CACNA1B: variants seen among roughly 807,000 people sequenced by gnomAD.
CACNA1B encodes calcium voltage-gated channel subunit alpha1 B.
CACNA1B carries 70 observed loss-of-function variants against 247.2 expected under a neutral mutation model. The ratio of observed to expected loss-of-function variants is 0.28; its 90% CI spans 0.23 to 0.35. The LOEUF (loss-of-function observed/expected upper bound fraction) is 0.35. Ranked by LOEUF, CACNA1B falls within the 10% of genes least tolerant of loss-of-function variation. The pLI, the probability that CACNA1B is intolerant of heterozygous loss-of-function variation, is 1.00. For missense variants in CACNA1B, 2,367 were observed against 3,197.4 expected, an observed-to-expected ratio of 0.74 and a Z score of 6.26; for synonymous variants, 1,231 against 1,294.4, an observed-to-expected ratio of 0.95 and a Z score of 1.05.
rs147267698 is a variant in CACNA1B, at chr9:138,090,362, T to A, written c.5095-6122T>A. Among the ~76,000 whole-genome samples, 101 of 152,006 alleles carry A rather than the reference T, an allele frequency of 6.6e-4. 1 individual carries two copies. Among genetic ancestry groups the A allele is most frequent in the African/African-American group, 2.4e-3 (100 of 41,468 alleles). On this transcript the variant is annotated intron_variant, in intron 36 of 46. Coordinates refer to ENST00000371372, the MANE Select transcript of CACNA1B (RefSeq NM_000718.4). ...AACTAGATATCCACATGCAGAAAAA[T>A]GCAGCTCAACCCCTATCTCTCGCTA...
At chr9:138,002,544 CAAAA>C (rs554684903) in intron 15 of CACNA1B, among the ~76,000 whole-genome samples, 2 of 97,074 alleles carry the variant, frequency 2.1e-5, no homozygotes, top group East Asian at 2.5e-4. Flanking sequence ...AGCCCATATC[CAAAA>C]AAAAAAAAAA....
chr9:137,994,860 A>G (rs999649469), intron 15 of CACNA1B, among the ~76,000 whole-genome samples: 12 of 152,350 alleles, frequency 7.9e-5, no homozygotes, highest in Non-Finnish European at 1.3e-4. Flanking sequence ...AGAAAAAACA[A>G]TCCTAAAATT....
chr9:138,040,783 C>T (rs1959110191), intron 20 of CACNA1B: 1 of 182,366 alleles, frequency 5.5e-6, no homozygotes, highest in Non-Finnish European at 1.2e-5. Context: ...CCCACTGACT[C>T]AAATGTTAAT....
At chr9:138,068,876 A>G (rs1960024934) in intron 31 of CACNA1B, among the ~76,000 whole-genome samples, 1 of 152,186 alleles carries the variant, frequency 6.6e-6, no homozygotes, top group Non-Finnish European at 1.5e-5. Flanking sequence ...CCTTGATACA[A>G]GGCAGATTCC....
intron 25 of CACNA1B, 128 bp from the exon 26 acceptor site, chr9:138,053,718 C>T: frequency 4.2e-6 from 3 of 720,368 alleles, no homozygotes; most frequent in Non-Finnish European, 5.0e-6. Context: ...CGGCCATGCC[C>T]TCCCACCTTG....
At position 138,112,380 on chromosome 9, in the gene CACNA1B, A is replaced by G. The variant is rs1378712285; in HGVS notation, c.5429-18A>G. 1 of 1,588,672 alleles carries G rather than the reference A, an allele frequency of 6.3e-7. No homozygotes were observed. Among genetic ancestry groups the G allele is most frequent in the African/African-American group, 1.3e-5 (1 of 74,380 alleles). ...ACATCTCTGTCTTTTCCCCTTCCCC[A>G]CCATCATCCTGGTGCAGCTGGGACA... is the stretch of plus-strand genomic sequence containing the variant. On this transcript the variant is annotated intron_variant, in intron 39 of 46. Transcript: ENST00000371372.
At chr9:137,941,126 C>T (rs1193568416) in intron 6 of CACNA1B, among the ~76,000 whole-genome samples, 2 of 152,082 alleles carry the variant, frequency 1.3e-5, no homozygotes, top group African/African-American at 2.4e-5. Context: ...GTCAGACTGT[C>T]GCTGTTTGTT....
intron 18 of CACNA1B, among the ~76,000 whole-genome samples, chr9:138,013,965 C>T (rs946239260): frequency 1.3e-5 from 2 of 152,244 alleles, no homozygotes; most frequent in Non-Finnish European, 1.5e-5. Flanking sequence ...CCACTAGCTC[C>T]GTCTGGCTGC....
chr9:138,078,028 A>C, intron 35 of CACNA1B, 86 bp from the exon 36 acceptor site: 1 of 1,240,338 alleles, frequency 8.1e-7, no homozygotes, highest in Non-Finnish European at 1.1e-6. Context: ...AAGGAGCCCA[A>C]AGGAGTGGGC....
chr9:137,995,793 T>C (rs1958492857), intron 15 of CACNA1B, among the ~76,000 whole-genome samples: 1 of 152,134 alleles, frequency 6.6e-6, no homozygotes, highest in South Asian at 2.1e-4. Context: ...AAAGGACTAA[T>C]ATCCAGAATC....
chr9:138,114,991 T>C (rs1214568964), intron 41 of CACNA1B, among the ~76,000 whole-genome samples: 1 of 152,230 alleles, frequency 6.6e-6, no homozygotes, highest in Non-Finnish European at 1.5e-5. Flanking sequence ...ATATGTAGTC[T>C]GTCTGCTGGA....
intron 3 of CACNA1B, among the ~76,000 whole-genome samples, chr9:137,904,722 T>G (rs1235527589): frequency 6.6e-6 from 1 of 152,038 alleles, no homozygotes; most frequent in Non-Finnish European, 1.5e-5. Flanking sequence ...GTCTGCCAGG[T>G]GATGCTGAGG....
At position 138,124,025 on chromosome 9, in the gene CACNA1B, A is replaced by G. The variant is rs1962186775; in HGVS notation, c.*2026A>G. 6.6e-6 allele frequency: 1 copy of G among 152,208 alleles called. No homozygotes were observed. The highest frequency in any genetic ancestry group is 1.5e-5 in the Non-Finnish European group (1 of 68,044). 9.4% of individuals were successfully genotyped at this position (152,208 alleles called of 1,614,324 possible). A position where few individuals can be genotyped will look rare whatever the true frequency, so the allele number is the denominator to read the frequency against. ...CGAGAATCCACTTTTCTAAACCCAC[A>G]CAGCCTAGCTGGCTTGTCTAGACTC... On this transcript the variant is annotated 3_prime_UTR_variant, in exon 47 of 47. Coordinates refer to ENST00000371372, the MANE Select transcript of CACNA1B (RefSeq NM_000718.4).
chr9:138,099,844 G>C (rs1243393532), intron 37 of CACNA1B, among the ~76,000 whole-genome samples: 1 of 152,270 alleles, frequency 6.6e-6, no homozygotes, highest in Non-Finnish European at 1.5e-5. Context: ...GTGGTGTGAA[G>C]CCTGGTGACT....
rs1957053727 is a variant in CACNA1B at position 137,888,769 on chromosome 9, C to G, written c.530+5886C>G. Among the ~76,000 whole-genome samples the G allele has an allele frequency of 6.6e-6, 1 of 152,226 alleles. No homozygotes were observed. Among genetic ancestry groups the G allele is most frequent in the African/African-American group, 2.4e-5 (1 of 41,472 alleles). Reference sequence around the variant, plus strand: ...GCTGACCCTGAGCTTCCTGGGCAACCACTGTGGCCTCCTGTTCTTTTGGGC... The same window carrying G: ...GCTGACCCTGAGCTTCCTGGGCAACGACTGTGGCCTCCTGTTCTTTTGGGC... On this transcript the variant is annotated intron_variant, in intron 3 of 46. Coordinates refer to ENST00000371372, the MANE Select transcript of CACNA1B (RefSeq NM_000718.4). The surrounding 1 kb of genome is among the most constrained non-coding windows in gnomAD (Gnocchi z 4.7).
chr9:137,932,683 C>T (rs1476278004), intron 6 of CACNA1B, among the ~76,000 whole-genome samples: 3 of 152,122 alleles, frequency 2.0e-5, no homozygotes, highest in South Asian at 4.1e-4. Context: ...GGCAACTAGA[C>T]GTCTCAGGAT....
chr9:138,032,750 C>T (rs1390385091), intron 20 of CACNA1B: 3 of 448,500 alleles, frequency 6.7e-6, no homozygotes, highest in South Asian at 1.6e-5. Context: ...CACTGTCATT[C>T]GAATTGTTTT....
chr9:138,110,986 A>G (rs1029400295), intron 39 of CACNA1B, among the ~76,000 whole-genome samples: 2 of 152,130 alleles, frequency 1.3e-5, no homozygotes, highest in African/African-American at 2.4e-5. Flanking sequence ...TTTAAAAAAA[A>G]AAAAACCACA....
chr9:138,032,326 A>T (rs1401073461), intron 20 of CACNA1B, among the ~76,000 whole-genome samples: 2 of 152,028 alleles, frequency 1.3e-5, no homozygotes, highest in Non-Finnish European at 2.9e-5. Context: ...TTTGTAATGT[A>T]ATTGTCTTAA....
Sources: allele counts gnomAD v4.1 joint callset (sites outside exome capture counted in the v4.1 genomes callset), GRCh38; gene constraint gnomAD v4.1.1; non-coding constraint Gnocchi (gnomAD v3.1); transcripts MANE v1.5; gene names NCBI Gene and HGNC (gene_info 2026-07-23, HGNC 2026-07-21).